The following LRRTM4 variants were observed in gnomAD, a reference collection of about 807,000 sequenced individuals.
LRRTM4 encodes leucine rich repeat transmembrane neuronal 4, also known as leucine-rich repeat transmembrane neuronal protein 4.
LRRTM4 carries 25 observed loss-of-function variants against 47.6 expected under a neutral mutation model. That is an observed-to-expected ratio of 0.53 (90% confidence interval 0.38 to 0.73). The LOEUF (loss-of-function observed/expected upper bound fraction) is 0.73, where lower values mean the gene tolerates loss of function less well. Among genes scored for constraint, LRRTM4 ranks in the 30% least tolerant of loss-of-function variants. The pLI, the probability that LRRTM4 is intolerant of heterozygous loss-of-function variation, is 0.00. For synonymous variants in LRRTM4, 311 were observed against 269.5 expected (o/e 1.15, Z -1.51); for missense variants, 638 against 713.4 (o/e 0.89, Z 1.20).
intron 3 of LRRTM4, among the ~76,000 whole-genome samples, chr2:77,352,917 A>C (rs1671838376): frequency 6.6e-6 from 1 of 152,172 alleles, no homozygotes; most frequent in Admixed American, 6.5e-5. Context: ...AGATATAATT[A>C]ATTTACATAT....
rs556368898 is a variant in LRRTM4, at chr2:76,864,350, G to A, written c.1552-115434C>T. ...TTATGAAAACATTTAAAAACCTTTTGTTAGGAATTTTAAAGAAATGAAGTG... is the reference window on the plus strand; with the variant it reads ...TTATGAAAACATTTAAAAACCTTTTATTAGGAATTTTAAAGAAATGAAGTG... On this transcript the variant is annotated intron_variant, in intron 3 of 3. Transcript: ENST00000409884. 4.6e-5 allele frequency among the ~76,000 whole-genome samples: 7 copies of A among 152,186 alleles called. No homozygotes were observed. The South Asian group carries it at 1.5e-3, about 32-fold the overall frequency.
intron 3 of LRRTM4, among the ~76,000 whole-genome samples, chr2:77,033,469 G>T (rs1014636484): frequency 6.6e-6 from 1 of 151,584 alleles, no homozygotes; most frequent in African/African-American, 2.4e-5. Context: ...TATGATATCG[G>T]CCATGGAGCT....
chr2:77,195,806 T>G (rs989549543), intron 3 of LRRTM4, among the ~76,000 whole-genome samples: 3 of 152,082 alleles, frequency 2.0e-5, no homozygotes, highest in Non-Finnish European at 2.9e-5. Flanking sequence ...AATGTGAAAT[T>G]CTGTTTTGAG....
chr2:76,915,392 C>G (rs1352853757), intron 3 of LRRTM4, among the ~76,000 whole-genome samples: 1 of 152,158 alleles, frequency 6.6e-6, no homozygotes, highest in African/African-American at 2.4e-5. Context: ...GACACTGCCT[C>G]TGTCACATAT....
intron 3 of LRRTM4, among the ~76,000 whole-genome samples, chr2:77,090,987 T>C (rs377228186): frequency 0.14 from 21,346 of 150,250 alleles, 593 homozygotes; most frequent in East Asian, 0.19. Context: ...TTCAAGGGCC[T>C]GTTTCCCTTG....
intron 3 of LRRTM4, among the ~76,000 whole-genome samples, chr2:77,161,721 C>T (rs1047391057): frequency 2.0e-5 from 3 of 151,974 alleles, no homozygotes; most frequent in South Asian, 2.1e-4. Flanking sequence ...AAATTTTTTG[C>T]AGTATTTTAG....
At chr2:76,957,732 C>G (rs927368137) in intron 3 of LRRTM4, among the ~76,000 whole-genome samples, 21 of 151,620 alleles carry the variant, frequency 1.4e-4, no homozygotes, top group African/African-American at 4.1e-4. Context: ...GATGCACTTT[C>G]TATTAACAGG....
intron 3 of LRRTM4, among the ~76,000 whole-genome samples, chr2:77,037,817 C>T (rs578011929): frequency 6.6e-6 from 1 of 151,818 alleles, no homozygotes; most frequent in South Asian, 2.1e-4. Context: ...ATTGCAAGTG[C>T]TCTCTCAGTG....
intron 3 of LRRTM4, among the ~76,000 whole-genome samples, chr2:76,816,155 A>C (rs1347616947): frequency 6.6e-6 from 1 of 152,076 alleles, no homozygotes; most frequent in East Asian, 1.9e-4. Flanking sequence ...TATCAGACAG[A>C]ATCTGATACA....
chr2:77,068,228 AG>A (rs1680026178), intron 3 of LRRTM4, among the ~76,000 whole-genome samples: 1 of 152,202 alleles, frequency 6.6e-6, no homozygotes, highest in African/African-American at 2.4e-5. Context: ...CCTATTGAAA[AG>A]GGAGAACATC....
chr2:77,328,657 C>A (rs1468468595), intron 3 of LRRTM4, among the ~76,000 whole-genome samples: 1 of 152,096 alleles, frequency 6.6e-6, no homozygotes, highest in Non-Finnish European at 1.5e-5. Context: ...AAATGTGAAG[C>A]CCTGGGGGAG....
intron 3 of LRRTM4, among the ~76,000 whole-genome samples, chr2:77,407,665 T>A (rs1674255788): frequency 8.4e-6 from 1 of 119,510 alleles, no homozygotes; most frequent in Non-Finnish European, 1.7e-5. Flanking sequence ...TAATTATATA[T>A]AATAATTATA....
intron 3 of LRRTM4, among the ~76,000 whole-genome samples, chr2:76,909,458 C>A (rs1487529252): frequency 6.6e-6 from 1 of 151,818 alleles, no homozygotes; most frequent in Non-Finnish European, 1.5e-5. Context: ...TCTAAAACAC[C>A]AAAAGCAATG....
chr2:77,518,135 A>C, intron 3 of LRRTM4, 183 bp downstream of exon 3: 1 of 1,287,238 alleles, frequency 7.8e-7, no homozygotes, highest in Non-Finnish European at 9.8e-7. Flanking sequence ...CATTTAAAAA[A>C]AAAAAAAAAG....
chr2:77,287,567 A>G (rs1323141743), intron 3 of LRRTM4, among the ~76,000 whole-genome samples: 1 of 152,056 alleles, frequency 6.6e-6, no homozygotes, highest in African/African-American at 2.4e-5. Flanking sequence ...AGAATTCATG[A>G]GTATTAAATG....
chr2:77,069,662 G>T (rs1006294037), intron 3 of LRRTM4, among the ~76,000 whole-genome samples: 4 of 151,988 alleles, frequency 2.6e-5, no homozygotes, highest in Admixed American at 2.6e-4. Flanking sequence ...CTTTGCCTTA[G>T]CCTTTCCTTC....
intron 3 of LRRTM4, among the ~76,000 whole-genome samples, chr2:77,494,550 A>G (rs376854154): frequency 6.8e-6 from 1 of 146,360 alleles, no homozygotes; most frequent in Non-Finnish European, 1.5e-5. Context: ...TGCTTCTACC[A>G]CTCTGAAAAA....
chr2:77,164,638 T>C (rs568492556), intron 3 of LRRTM4, among the ~76,000 whole-genome samples: 1 of 152,192 alleles, frequency 6.6e-6, no homozygotes, highest in Admixed American at 6.5e-5. Context: ...GCAATCAAAC[T>C]AGAACTCAGG....
chr2:77,320,690 T>C (rs910451848), intron 3 of LRRTM4, among the ~76,000 whole-genome samples: 3 of 152,104 alleles, frequency 2.0e-5, no homozygotes, highest in South Asian at 4.1e-4. Context: ...TCAGAAATCT[T>C]ATATTCATGG....
Sources: allele counts gnomAD v4.1 joint callset (sites outside exome capture counted in the v4.1 genomes callset), GRCh38; gene constraint gnomAD v4.1.1; transcripts MANE v1.5; gene names NCBI Gene and HGNC (gene_info 2026-07-23, HGNC 2026-07-21).